FTO: variants seen among roughly 807,000 people sequenced by gnomAD.
FTO encodes the protein FTO alpha-ketoglutarate dependent dioxygenase, also known as alpha-ketoglutarate-dependent dioxygenase FTO.
Under a neutral mutation model 63.9 loss-of-function variants are expected in FTO, and 47 were observed. The ratio of observed to expected loss-of-function variants is 0.74; its 90% CI spans 0.58 to 0.94. The LOEUF (loss-of-function observed/expected upper bound fraction) is 0.94, where lower values mean the gene tolerates loss of function less well. FTO is among the 40% of genes least tolerant of loss of function. The pLI is 0.00. For missense variants in FTO, 562 were observed against 618.1 expected, an observed-to-expected ratio of 0.91 and a Z score of 0.96; for synonymous variants, 207 against 224.4, an observed-to-expected ratio of 0.92 and a Z score of 0.69.
At chr16:53,982,656 A>C in intron 8 of FTO, among the ~76,000 whole-genome samples, 1 of 152,322 alleles carries the variant, frequency 6.6e-6, no homozygotes, top group South Asian at 2.1e-4. Flanking sequence ...CAAGAAACTT[A>C]GTTTCCTAAC....
At chr16:54,030,053 T>C (rs543313836) in intron 8 of FTO, among the ~76,000 whole-genome samples, 3 of 152,290 alleles carry the variant, frequency 2.0e-5, no homozygotes, top group South Asian at 4.2e-4. Flanking sequence ...GGTAACTGAT[T>C]GATTGTCCAG....
rs184539500 is a variant in FTO, at chr16:54,114,612, T to A, written c.*2697T>A. On this transcript the variant is annotated 3_prime_UTR_variant, in exon 9 of 9. Coordinates refer to ENST00000471389, the MANE Select transcript of FTO (RefSeq NM_001080432.3). ...TGGAGAAATCACTACTTTAAGTGAA[T>A]CCGAAAGGTGAGATCACATTTGCTC... is the stretch of plus-strand genomic sequence containing the variant. The A allele has an allele frequency of 6.6e-6, 1 of 152,252 alleles. No individual in the cohort carries two copies. Among genetic ancestry groups the A allele is most frequent in the East Asian group, 1.9e-4 (1 of 5,160 alleles). The allele number at this position is 152,252 out of a possible 1,614,324, so 9.4% of individuals were successfully genotyped here. A position where few individuals can be genotyped will look rare whatever the true frequency, so the allele number is the denominator to read the frequency against.
chr16:53,715,538 G>A (rs2075875167), intron 1 of FTO, among the ~76,000 whole-genome samples: 1 of 152,144 alleles, frequency 6.6e-6, no homozygotes, highest in Non-Finnish European at 1.5e-5. Context: ...ATGTGTTTTT[G>A]CATCGTTGTC....
At chr16:53,886,761 C>T (rs1055020162) in intron 6 of FTO, among the ~76,000 whole-genome samples, 3 of 152,192 alleles carry the variant, frequency 2.0e-5, no homozygotes, top group East Asian at 3.8e-4. Flanking sequence ...TTTCCACCAT[C>T]GTTAAATCTT....
intron 1 of FTO, among the ~76,000 whole-genome samples, chr16:53,731,804 G>A (rs1283529890): frequency 1.3e-5 from 2 of 149,204 alleles, no homozygotes; most frequent in African/African-American, 5.0e-5. Context: ...CTGGACTGCA[G>A]TGGCACTATC....
At chr16:53,790,260 C>A (rs529134029) in intron 1 of FTO, among the ~76,000 whole-genome samples, 7 of 152,024 alleles carry the variant, frequency 4.6e-5, no homozygotes, top group African/African-American at 1.4e-4. Context: ...TGAAACTGTA[C>A]CAATTAAACA....
At chr16:53,742,345 G>T (rs1009769057) in intron 1 of FTO, among the ~76,000 whole-genome samples, 1 of 152,152 alleles carries the variant, frequency 6.6e-6, no homozygotes, top group Non-Finnish European at 1.5e-5. Context: ...ACCCCTAGCT[G>T]CAAGAAAGTC....
chr16:54,112,028 A>G lies in FTO; in HGVS notation c.*113A>G. 8.7e-7 allele frequency: 1 copy of G among 1,152,424 alleles called. No homozygotes were observed. The highest frequency in any genetic ancestry group is 2.8e-4 in the Middle Eastern group (1 of 3,560). The allele number at this position is 1,152,424 out of a possible 1,614,324, so 71.4% of individuals were successfully genotyped here. On this transcript the variant is annotated 3_prime_UTR_variant, in exon 9 of 9. Coordinates refer to ENST00000471389, the MANE Select transcript of FTO (RefSeq NM_001080432.3). ...CTTCTCTTGGCCCCTAGATTGTAGC[A>G]CCCGGGTCCCAATCCAAAACAGCTA...
Position 53,995,218 on chromosome 16 carries a change from T to C in FTO, c.1364+61109T>C, listed in dbSNP as rs143693652. 4.9e-3 allele frequency among the ~76,000 whole-genome samples: 751 copies of C among 152,348 alleles called. 2 individuals carry two copies. The highest frequency in any genetic ancestry group is 8.0e-3 in the Non-Finnish European group (545 of 68,028). ...TATGATTGTCTCGTTCACCAAACAG[T>C]GAGCCCGTTGAGGGCGAAGTTGTCT... On this transcript the variant is annotated intron_variant, in intron 8 of 8. Coordinates refer to ENST00000471389, the MANE Select transcript of FTO (RefSeq NM_001080432.3).
rs1054288912 is a variant in FTO, at chr16:53,723,948, C to A, written c.45+19719C>A. ...GCCTGCTTTTGGATGTTGCTGAATT[C>A]AGCATCGTCTTGAAAAGTTCTTGCC... On this transcript the variant is annotated intron_variant, in intron 1 of 8. Transcript: ENST00000471389. 3.3e-5 allele frequency among the ~76,000 whole-genome samples: 5 copies of A among 152,174 alleles called. No individual in the cohort carries two copies. The South Asian group carries it at 1.0e-3, about 32-fold the overall frequency.
At chr16:54,004,264 C>T (rs1378399420) in intron 8 of FTO, among the ~76,000 whole-genome samples, 6 of 152,038 alleles carry the variant, frequency 3.9e-5, no homozygotes, top group South Asian at 2.1e-4. Context: ...TGGTGACATC[C>T]GCCTGTAATC....
chr16:53,848,321 G>A (rs1194478651), intron 4 of FTO, among the ~76,000 whole-genome samples: 1 of 152,152 alleles, frequency 6.6e-6, no homozygotes, highest in Non-Finnish European at 1.5e-5. Flanking sequence ...ATATTGGTCT[G>A]CAGAGGAAGT....
intron 8 of FTO, among the ~76,000 whole-genome samples, chr16:53,934,512 G>A (rs996967962): frequency 6.6e-6 from 1 of 152,300 alleles, no homozygotes; most frequent in South Asian, 2.1e-4. Context: ...TTACTTGAAA[G>A]TATAGTCATG....
intron 2 of FTO, among the ~76,000 whole-genome samples, chr16:53,812,404 G>A (rs954765665): frequency 2.0e-5 from 3 of 151,774 alleles, no homozygotes; most frequent in African/African-American, 7.3e-5. Flanking sequence ...TATATTTTTA[G>A]TAGAGACATG....
intron 1 of FTO, among the ~76,000 whole-genome samples, chr16:53,706,637 C>T (rs1205376768): frequency 3.3e-5 from 5 of 152,224 alleles, no homozygotes; most frequent in African/African-American, 1.2e-4. Context: ...GGGCTGAAGC[C>T]GTCCTCCTGC....
chr16:53,819,684 T>C (rs971773778), intron 2 of FTO, among the ~76,000 whole-genome samples: 1 of 152,236 alleles, frequency 6.6e-6, no homozygotes, highest in African/African-American at 2.4e-5. Flanking sequence ...TCTATCAATC[T>C]TCTTTTTCAA....
At chr16:53,957,687 T>C (rs1226703527) in intron 8 of FTO, among the ~76,000 whole-genome samples, 1 of 152,272 alleles carries the variant, frequency 6.6e-6, no homozygotes, top group Admixed American at 6.5e-5. Flanking sequence ...TTCAAATCTC[T>C]TCTTCCCTAA....
intron 8 of FTO, chr16:54,071,430 G>C (rs2085866259): frequency 6.6e-6 from 1 of 152,282 alleles, no homozygotes; most frequent in Non-Finnish European, 1.5e-5. Flanking sequence ...GAAGTAGACT[G>C]TTTTAGGGCA....
chr16:53,896,588 G>A (rs2081284229), intron 7 of FTO, among the ~76,000 whole-genome samples: 1 of 152,034 alleles, frequency 6.6e-6, no homozygotes, highest in Admixed American at 6.6e-5. Context: ...TAAAACTGTT[G>A]CCTCTTGAAA....
Sources: gnomAD v4.1 joint callset for allele counts (sites outside exome capture counted in the v4.1 genomes callset) on GRCh38, gnomAD v4.1.1 for gene constraint, MANE v1.5 for transcripts, NCBI Gene and HGNC (gene_info 2026-07-23, HGNC 2026-07-21) for gene names.